The following KATNIP variants were observed in gnomAD, a reference collection of about 807,000 sequenced individuals.
KATNIP encodes the protein katanin-interacting protein.
In KATNIP, 126 loss-of-function variants were observed where a neutral mutation model predicts 174.0. That is an observed-to-expected ratio of 0.72 (90% CI 0.63 to 0.84). The LOEUF is 0.84. Ranked by LOEUF, KATNIP falls within the 40% of genes least tolerant of loss-of-function variation. The pLI is 0.00. For synonymous variants in KATNIP, 810 were observed against 835.7 expected (o/e 0.97, Z 0.53); for missense variants, 1,958 against 2,109.7 (o/e 0.93, Z 1.41).
At chr16:27,569,690 C>T (rs1283666887) in intron 1 of KATNIP, among the ~76,000 whole-genome samples, 1 of 152,210 alleles carries the variant, frequency 6.6e-6, no homozygotes, top group Admixed American at 6.5e-5. Flanking sequence ...CAGGCAGGAG[C>T]TGTCTTCGCA....
rs769220938 is a variant in KATNIP, at chr16:27,766,447, T to A, written c.3948T>A (p.Asn1316Lys). 2 of 1,613,592 alleles carry A rather than the reference T, an allele frequency of 1.2e-6. No individual in the cohort carries two copies. The highest frequency in any genetic ancestry group is 1.7e-6 in the Non-Finnish European group (2 of 1,179,992). ...CAGGCCTGCGCTTCTGGAACTACAA[T>A]AAATCTCCCGAGGACACCTATCGCG... ...SIAGLRFWNY[N>K]KSPEDTYRGA... Residue 1316 changes from asparagine to lysine, a missense_variant, in exon 20 of 28, where the codon AAT (asparagine) becomes AAA (lysine). Physicochemically the swap from Asn to Lys is moderately conservative, Grantham distance 94. This residue lies in a region of KATNIP where 383 missense variants were observed against 456.0 expected (regional missense o/e 0.84). Transcript: ENST00000261588.
At chr16:27,640,756 T>G (rs1357759950) in intron 5 of KATNIP, among the ~76,000 whole-genome samples, 1 of 151,356 alleles carries the variant, frequency 6.6e-6, no homozygotes, top group Non-Finnish European at 1.5e-5. Flanking sequence ...GCTTGCTGAT[T>G]CAGTGCCTTA....
intron 13 of KATNIP, among the ~76,000 whole-genome samples, chr16:27,713,668 C>T (rs1328576287): frequency 1.4e-5 from 2 of 148,000 alleles, no homozygotes; most frequent in African/African-American, 2.5e-5. Context: ...TATACACATA[C>T]ATATTATATA....
At chr16:27,588,957 C>A (rs2075085424) in intron 2 of KATNIP, among the ~76,000 whole-genome samples, 1 of 149,838 alleles carries the variant, frequency 6.7e-6, no homozygotes, top group South Asian at 2.1e-4. Flanking sequence ...TGTGATCTCA[C>A]CTCACTGCAA....
At chr16:27,774,054 C>G (rs907471710) in intron 23 of KATNIP, among the ~76,000 whole-genome samples, 1 of 152,164 alleles carries the variant, frequency 6.6e-6, no homozygotes, top group Non-Finnish European at 1.5e-5. Flanking sequence ...AAGCAGTAGG[C>G]TATCCTGCCT....
At chr16:27,778,441 G>T in intron 27 of KATNIP, 133 bp from the exon 28 acceptor site, 1 of 819,768 alleles carries the variant, frequency 1.2e-6, no homozygotes, top group Admixed American at 2.3e-5. Flanking sequence ...CGTGCCAGGC[G>T]CCCCGAGAGC....
In KATNIP at chr16:27,756,277, G is replaced by A. The variant is rs180777474; in HGVS notation, c.3631+2026G>A. Among the ~76,000 whole-genome samples the A allele has an allele frequency of 7.2e-5, 11 of 152,316 alleles. No homozygotes were observed. The East Asian group carries it at 7.7e-4, about 11-fold the overall frequency. ...CTCATAGCCCCTTACATTCCAGGGC[G>A]CACTCTCAATTACTTTCGAATAGCA... On this transcript the variant is annotated intron_variant, in intron 18 of 27. Transcript: ENST00000261588.
At chr16:27,645,116 T>C (rs554803759) in intron 5 of KATNIP, among the ~76,000 whole-genome samples, 1 of 152,322 alleles carries the variant, frequency 6.6e-6, no homozygotes, top group South Asian at 2.1e-4. Flanking sequence ...TCTGGTTCAC[T>C]ACCAGAGGAC....
chr16:27,608,670 A>G (rs2075794499), intron 2 of KATNIP, among the ~76,000 whole-genome samples: 1 of 151,944 alleles, frequency 6.6e-6, no homozygotes, highest in South Asian at 2.1e-4. Context: ...GCCTCACACT[A>G]CCACACCCAG....
At chr16:27,712,754 A>G (rs566388967) in intron 13 of KATNIP, among the ~76,000 whole-genome samples, 2 of 152,242 alleles carry the variant, frequency 1.3e-5, no homozygotes, top group Non-Finnish European at 2.9e-5. Context: ...ATGAATGTCA[A>G]CTTCCTGCTT....
At chr16:27,731,562 C>T (rs766320843) in intron 14 of KATNIP, among the ~76,000 whole-genome samples, 15 of 152,062 alleles carry the variant, frequency 9.9e-5, no homozygotes, top group South Asian at 4.2e-4. Context: ...AACTTGCTGA[C>T]GATCACATGA....
intron 1 of KATNIP, among the ~76,000 whole-genome samples, chr16:27,564,053 G>A (rs1220770409): frequency 6.6e-6 from 1 of 151,962 alleles, no homozygotes; most frequent in African/African-American, 2.4e-5. Context: ...AACAGAGCAA[G>A]ACCCTGTCTG....
intron 7 of KATNIP, among the ~76,000 whole-genome samples, chr16:27,678,407 A>G (rs2078203019): frequency 1.3e-5 from 2 of 148,578 alleles, no homozygotes; most frequent in East Asian, 4.0e-4. Context: ...TCTCTCTCCC[A>G]TCTCCCCTCT....
intron 2 of KATNIP, among the ~76,000 whole-genome samples, chr16:27,592,270 CTTTTTTTTTTT>C (rs71137799): frequency 0.017 from 781 of 44,866 alleles, 15 homozygotes; most frequent in African/African-American, 0.069. Flanking sequence ...GCATATATTA[CTTTTTTTTTTT>C]TTTTTTTTTT....
intron 13 of KATNIP, among the ~76,000 whole-genome samples, chr16:27,719,992 G>A (rs879677563): frequency 5.3e-5 from 8 of 152,078 alleles, no homozygotes; most frequent in South Asian, 4.1e-4. Context: ...ATTTTTAAAT[G>A]TTGGCAATGA....
intron 5 of KATNIP, among the ~76,000 whole-genome samples, chr16:27,645,774 A>T (rs2076941089): frequency 6.6e-6 from 1 of 152,198 alleles, no homozygotes; most frequent in Non-Finnish European, 1.5e-5. Context: ...AAAGGGCAGA[A>T]GTCCTGTCTG....
chr16:27,648,768 C>A (rs373828469), intron 6 of KATNIP, 33 bp downstream of exon 6: 2 of 1,605,622 alleles, frequency 1.2e-6, no homozygotes, highest in African/African-American at 2.7e-5. Flanking sequence ...GCTCGGGACA[C>A]CTGAAGGACG....
intron 6 of KATNIP, chr16:27,669,313 C>T (rs2077803348): frequency 1.0e-6 from 1 of 985,194 alleles, no homozygotes; most frequent in Non-Finnish European, 1.2e-6. Context: ...CCACCTTCTC[C>T]CTGGATCCCC....
chr16:27,762,740 A>G (rs1327826995), intron 19 of KATNIP, among the ~76,000 whole-genome samples: 3 of 152,150 alleles, frequency 2.0e-5, no homozygotes, highest in Non-Finnish European at 4.4e-5. Flanking sequence ...ACCCCCTGCT[A>G]TCATTAACTG....
Sources: allele counts gnomAD v4.1 joint callset (sites outside exome capture counted in the v4.1 genomes callset), GRCh38; gene constraint gnomAD v4.1.1; regional missense constraint gnomAD v4.1.1; transcripts MANE v1.5; gene names NCBI Gene and HGNC (gene_info 2026-07-23, HGNC 2026-07-21).